The following FDX1 variants were observed in gnomAD, a reference collection of about 807,000 sequenced individuals.
FDX1 encodes adrenodoxin, mitochondrial.
FDX1 carries 9 observed loss-of-function variants against 14.9 expected under a neutral mutation model. That is an observed-to-expected ratio of 0.60 (90% CI 0.36 to 1.05). The LOEUF is 1.05. Ranked by LOEUF, FDX1 falls within the 50% of genes least tolerant of loss-of-function variation. The pLI, the probability that FDX1 is intolerant of heterozygous loss-of-function variation, is 0.01. For missense variants in FDX1, 204 were observed against 237.2 expected (o/e 0.86, Z 0.92); for synonymous variants, 92 against 99.4 (o/e 0.93, Z 0.44).
chr11:110,448,127 C>A (rs1371842725), intron 2 of FDX1, among the ~76,000 whole-genome samples: 1 of 152,182 alleles, frequency 6.6e-6, no homozygotes, highest in African/African-American at 2.4e-5. Context: ...GGGGCAGTTA[C>A]ACACCTGAGA....
chr11:110,452,030 A>C (rs1468027932), intron 2 of FDX1, among the ~76,000 whole-genome samples: 4 of 152,202 alleles, frequency 2.6e-5, no homozygotes, highest in Non-Finnish European at 4.4e-5. Context: ...CATGTGGGAA[A>C]AAAAAGGTGC....
At chr11:110,442,697 A>C (rs1946412436) in intron 2 of FDX1, among the ~76,000 whole-genome samples, 1 of 152,156 alleles carries the variant, frequency 6.6e-6, no homozygotes, top group Non-Finnish European at 1.5e-5. Context: ...ATCTTGGATG[A>C]GACTTTGGAC....
chr11:110,451,501 G>A (rs1946486389), intron 2 of FDX1, among the ~76,000 whole-genome samples: 1 of 152,146 alleles, frequency 6.6e-6, no homozygotes, highest in South Asian at 2.1e-4. Context: ...ATGAAAATTA[G>A]TTCAACCATT....
chr11:110,433,925 A>G (rs1268109498), intron 1 of FDX1, among the ~76,000 whole-genome samples: 1 of 152,240 alleles, frequency 6.6e-6, no homozygotes, highest in Non-Finnish European at 1.5e-5. Context: ...AGTTTTACTT[A>G]AAGATTTGTT....
rs778009625 is a variant in FDX1 at position 110,463,499 on chromosome 11, G to T, written c.*1031G>T. 2.6e-5 allele frequency: 4 copies of T among 152,186 alleles called. No individual in the cohort carries two copies. Among genetic ancestry groups the T allele is most frequent in the Non-Finnish European group, 4.4e-5 (3 of 68,030 alleles). The allele number at this position is 152,186 out of a possible 1,614,324, so 9.4% of individuals were successfully genotyped here. A position where few individuals can be genotyped will look rare whatever the true frequency, so the allele number is the denominator to read the frequency against. ...TAAATTCATAAAAGTTAACAAAGGG[G>T]TACACAGTATGGTCTTTGGAAATAT... is the stretch of plus-strand genomic sequence containing the variant. On this transcript the variant is annotated 3_prime_UTR_variant, in exon 4 of 4. Transcript: ENST00000260270.
At chr11:110,443,978 A>G (rs144298999) in intron 2 of FDX1, among the ~76,000 whole-genome samples, 1,769 of 151,976 alleles carry the variant, frequency 0.012, 30 homozygotes, top group African/African-American at 0.04. Flanking sequence ...TGTTAGATGC[A>G]TAGTTGGTGA....
intron 1 of FDX1, among the ~76,000 whole-genome samples, chr11:110,430,849 C>G (rs925516938): frequency 6.6e-6 from 1 of 152,192 alleles, no homozygotes; most frequent in Admixed American, 6.5e-5. Context: ...CCTGTAGGCC[C>G]TTTGCTAGTT....
In FDX1 at chr11:110,435,868, C is replaced by T. The variant is rs199894632; in HGVS notation, c.220C>T (p.Arg74Cys). ...EDKITVHFINRDGETLTTKGK... is the reference protein window; with the variant it reads ...EDKITVHFINCDGETLTTKGK... ...TAAAATAACAGTCCACTTTATAAAC[C>T]GTGATGGTGAAACATTAACAACCAA... Residue 74 changes from arginine to cysteine, a missense_variant, in exon 2 of 4, where the codon CGT (arginine) becomes TGT (cysteine). Coordinates refer to ENST00000260270, the MANE Select transcript of FDX1 (RefSeq NM_004109.5). The T allele has an allele frequency of 1.1e-5, 18 of 1,609,530 alleles. No individual in the cohort carries two copies. The highest frequency in any genetic ancestry group is 1.4e-5 in the Non-Finnish European group (17 of 1,177,136).
In FDX1 at chr11:110,454,354, C is replaced by G. The variant is rs11828638; in HGVS notation, c.311-2564C>G. Among the ~76,000 whole-genome samples, 1,339 of 152,278 alleles carry G rather than the reference C, an allele frequency of 8.8e-3. 16 individuals are homozygous for G. Among genetic ancestry groups the G allele is most frequent in the African/African-American group, 0.03 (1,252 of 41,550 alleles). On this transcript the variant is annotated intron_variant, in intron 2 of 3. Transcript: ENST00000260270. ...AGCTAGAACAGGTTGGTAACTCTTCCTTTCGACTGGCTACTGGTACAAAAA... is the reference window on the plus strand; with the variant it reads ...AGCTAGAACAGGTTGGTAACTCTTCGTTTCGACTGGCTACTGGTACAAAAA...
chr11:110,463,690 C>T lies in FDX1; in HGVS notation c.*1222C>T, dbSNP rs1431950574. 1 of 152,096 alleles carries T rather than the reference C, an allele frequency of 6.6e-6. No individual in the cohort carries two copies. Among genetic ancestry groups the T allele is most frequent in the Non-Finnish European group, 1.5e-5 (1 of 68,018 alleles). The allele number at this position is 152,096 out of a possible 1,614,324, so 9.4% of individuals were successfully genotyped here. ...TTGACATACAGCATTGTGTTATGCC[C>T]ATTGGGGACACAGAGGTGAACAAGA... On this transcript the variant is annotated 3_prime_UTR_variant, in exon 4 of 4. Coordinates refer to ENST00000260270, the MANE Select transcript of FDX1 (RefSeq NM_004109.5).
At position 110,430,304 on chromosome 11, in the gene FDX1, A is replaced by G. The variant is rs1000912910; in HGVS notation, c.184A>G (p.Ser62Gly). 1.7e-6 allele frequency: 2 copies of G among 1,194,534 alleles called. No individual in the cohort carries two copies. Among genetic ancestry groups the G allele is most frequent in the Non-Finnish European group, 2.1e-6 (2 of 963,850 alleles). 74.0% of individuals were successfully genotyped at this position (1,194,534 alleles called of 1,614,324 possible). The change falls in exon 1 of 4, where the codon AGC becomes GGC. Residue 62 changes from serine (S) to glycine (G), a missense_variant and splice_region_variant. Coordinates refer to ENST00000260270, the MANE Select transcript of FDX1 (RefSeq NM_004109.5). ...SLSVSARARS[S>G]SEDKITVHFI... ...GAGCGTGTCGGCGCGGGCCCGGAGC[A>G]GGTAGGGCGCCGTGCGGGCGCGATC... is the stretch of plus-strand genomic sequence containing the variant.
At chr11:110,441,916 C>T (rs986651840) in intron 2 of FDX1, among the ~76,000 whole-genome samples, 6 of 152,126 alleles carry the variant, frequency 3.9e-5, no homozygotes, top group African/African-American at 1.4e-4. Flanking sequence ...TGGGCTGGGC[C>T]CAGGGCCCCC....
At chr11:110,435,668 T>C (rs1393487286) in intron 1 of FDX1, among the ~76,000 whole-genome samples, 166 bp from the exon 2 acceptor site, 1 of 152,194 alleles carries the variant, frequency 6.6e-6, no homozygotes, top group South Asian at 2.1e-4. Context: ...AGCAACATGG[T>C]GGCACCCCGT....
chr11:110,448,946 T>C (rs1388576582), intron 2 of FDX1, among the ~76,000 whole-genome samples: 1 of 152,226 alleles, frequency 6.6e-6, no homozygotes, highest in African/African-American at 2.4e-5. Context: ...GTCAGCACCA[T>C]GTGAACCATG....
intron 2 of FDX1, among the ~76,000 whole-genome samples, chr11:110,444,703 T>TAC (rs1555069116): frequency 1.8e-5 from 1 of 56,082 alleles, no homozygotes; most frequent in Admixed American, 1.9e-4. Flanking sequence ...TATATATATA[T>TAC]ACGTATATAT....
intron 1 of FDX1, among the ~76,000 whole-genome samples, chr11:110,435,161 C>G (rs913733801): frequency 2.6e-5 from 4 of 152,022 alleles, no homozygotes; most frequent in African/African-American, 9.7e-5. Flanking sequence ...AAGGGATCCT[C>G]CCGTTTCAGC....
At chr11:110,462,313 A>G (rs748484401) in intron 3 of FDX1, 41 bp from the exon 4 acceptor site, 5 of 1,123,478 alleles carry the variant, frequency 4.5e-6, no homozygotes, top group Non-Finnish European at 6.8e-6. Context: ...GTGAATATAT[A>G]TACGTAATAC....
At chr11:110,445,536 G>A (rs1366462294) in intron 2 of FDX1, among the ~76,000 whole-genome samples, 2 of 152,082 alleles carry the variant, frequency 1.3e-5, no homozygotes, top group Non-Finnish European at 2.9e-5. Context: ...ATTATCTTAG[G>A]AAATGTTTAT....
chr11:110,463,141 A>G lies in FDX1; in HGVS notation c.*673A>G, dbSNP rs1278700213. On this transcript the variant is annotated 3_prime_UTR_variant, in exon 4 of 4. Transcript: ENST00000260270. ...GTTTGATCTCTGTTTTGACTAAACT[A>G]GAGGAAAAATGATTGGATGTGTTTA... 1 of 152,282 alleles carries G rather than the reference A, an allele frequency of 6.6e-6. No homozygotes were observed. The highest frequency in any genetic ancestry group is 2.4e-5 in the African/African-American group (1 of 41,470). The allele number at this position is 152,282 out of a possible 1,614,324, so 9.4% of individuals were successfully genotyped here.
Sources: allele counts gnomAD v4.1 joint callset (sites outside exome capture counted in the v4.1 genomes callset), GRCh38; gene constraint gnomAD v4.1.1; transcripts MANE v1.5; gene names NCBI Gene and HGNC (gene_info 2026-07-23, HGNC 2026-07-21).